The following DNAJC1 variants were observed in gnomAD, a reference collection of about 807,000 sequenced individuals.
DNAJC1 encodes the protein DnaJ heat shock protein family (Hsp40) member C1.
A neutral mutation model predicts 76.6 loss-of-function variants in DNAJC1; 58 were observed. The observed-to-expected ratio is 0.76, with a 90% CI of 0.61 to 0.94. The LOEUF (loss-of-function observed/expected upper bound fraction) is 0.94. Among genes scored for constraint, DNAJC1 ranks in the 40% least tolerant of loss-of-function variants. The probability of loss-of-function intolerance (pLI) is 0.00; values close to 1 mark genes in which losing one functional copy is unlikely to be tolerated. For missense variants in DNAJC1, 689 were observed against 677.3 expected, an observed-to-expected ratio of 1.02 and a Z score of -0.19; for synonymous variants, 258 against 267.9, an observed-to-expected ratio of 0.96 and a Z score of 0.36.
At chr10:21,946,823 T>G (rs1837513395) in intron 1 of DNAJC1, among the ~76,000 whole-genome samples, 1 of 152,208 alleles carries the variant, frequency 6.6e-6, no homozygotes, top group African/African-American at 2.4e-5. Context: ...GGTTTGAATG[T>G]GTCCCCCTGA....
At chr10:21,852,733 T>C (rs1256166253) in intron 8 of DNAJC1, among the ~76,000 whole-genome samples, 1 of 152,072 alleles carries the variant, frequency 6.6e-6, no homozygotes, top group Non-Finnish European at 1.5e-5. Context: ...TAAATATTTA[T>C]TGATTGAACT....
chr10:22,002,909 A>C (rs940954719), intron 1 of DNAJC1, among the ~76,000 whole-genome samples: 3 of 151,710 alleles, frequency 2.0e-5, no homozygotes, highest in African/African-American at 7.3e-5. Flanking sequence ...CCTCCAGCAC[A>C]GCTGGAGGGG....
intron 9 of DNAJC1, among the ~76,000 whole-genome samples, chr10:21,790,010 T>G (rs1589981319): frequency 2.4e-5 from 1 of 41,064 alleles, no homozygotes; most frequent in African/African-American, 1.2e-4. Flanking sequence ...GCTCTGTCTT[T>G]AAAAAAAAAA....
chr10:21,994,563 T>A (rs981415990), intron 1 of DNAJC1, among the ~76,000 whole-genome samples: 1 of 151,884 alleles, frequency 6.6e-6, no homozygotes, highest in African/African-American at 2.4e-5. Context: ...CCGAGACAGG[T>A]GGATCACGAG....
At chr10:21,930,010 C>T (rs1455690782) in intron 1 of DNAJC1, among the ~76,000 whole-genome samples, 2 of 152,174 alleles carry the variant, frequency 1.3e-5, no homozygotes, top group East Asian at 3.9e-4. Context: ...CAGTCTGATT[C>T]TACCACCCAG....
At chr10:21,938,704 T>A (rs1837355430) in intron 1 of DNAJC1, among the ~76,000 whole-genome samples, 1 of 152,228 alleles carries the variant, frequency 6.6e-6, no homozygotes, top group African/African-American at 2.4e-5. Context: ...ACCCTGATTT[T>A]AATCAATGGA....
intron 3 of DNAJC1, among the ~76,000 whole-genome samples, chr10:21,927,679 T>C (rs72797470): frequency 0.038 from 5,814 of 152,210 alleles, 175 homozygotes; most frequent in African/African-American, 0.078. Context: ...ATAAGAAATA[T>C]CTTGTGAAAC....
intron 8 of DNAJC1, among the ~76,000 whole-genome samples, chr10:21,868,128 C>CTTTT (rs200727543): frequency 2.4e-5 from 3 of 123,470 alleles, no homozygotes; most frequent in Non-Finnish European, 3.2e-5. Context: ...TGAAAATATT[C>CTTTT]TTTTTTTTTT....
chr10:21,841,760 C>T (rs1835578258), intron 8 of DNAJC1, among the ~76,000 whole-genome samples: 2 of 152,094 alleles, frequency 1.3e-5, no homozygotes, highest in African/African-American at 2.4e-5. Flanking sequence ...TGGGTATATA[C>T]CCAAAGGATT....
chr10:21,813,654 C>T (rs1363762867), intron 8 of DNAJC1, among the ~76,000 whole-genome samples: 3 of 152,186 alleles, frequency 2.0e-5, no homozygotes, highest in Non-Finnish European at 4.4e-5. Context: ...TCCCAAAGTG[C>T]TGGGATTACA....
chr10:21,786,622 G>A (rs936291615), intron 9 of DNAJC1, among the ~76,000 whole-genome samples: 24 of 151,834 alleles, frequency 1.6e-4, no homozygotes, highest in African/African-American at 5.1e-4. Context: ...CGTAGCAGGC[G>A]TGCGCCACCA....
At chr10:21,801,556 A>G (rs755009550) in intron 9 of DNAJC1, among the ~76,000 whole-genome samples, 5 of 152,200 alleles carry the variant, frequency 3.3e-5, no homozygotes, top group Non-Finnish European at 1.5e-5. Context: ...TAGTTCAACC[A>G]TTGTGGAAAG....
At chr10:21,775,626 A>G (rs566264263) in intron 9 of DNAJC1, among the ~76,000 whole-genome samples, 1 of 152,234 alleles carries the variant, frequency 6.6e-6, no homozygotes, top group African/African-American at 2.4e-5. Flanking sequence ...TTTAGATCTG[A>G]ATGACTTTCA....
intron 1 of DNAJC1, among the ~76,000 whole-genome samples, chr10:21,991,664 TAC>T (rs1256778415): frequency 2.0e-5 from 3 of 152,246 alleles, no homozygotes; most frequent in Non-Finnish European, 4.4e-5. Context: ...TAGCTATATC[TAC>T]ACAATACAGA....
At chr10:21,946,188 G>A (rs529586483) in intron 1 of DNAJC1, among the ~76,000 whole-genome samples, 42 of 150,694 alleles carry the variant, frequency 2.8e-4, no homozygotes, top group Admixed American at 2.5e-3. Context: ...CTACAGGTGT[G>A]TGCCACCACG....
At chr10:21,823,268 A>G (rs1835189451) in intron 8 of DNAJC1, among the ~76,000 whole-genome samples, 1 of 152,142 alleles carries the variant, frequency 6.6e-6, no homozygotes, top group African/African-American at 2.4e-5. Flanking sequence ...AAATAACCAG[A>G]TCTCCTTATG....
intron 2 of DNAJC1, 69 bp from the exon 3 acceptor site, chr10:21,928,621 G>A (rs1690582176): frequency 2.8e-5 from 35 of 1,267,386 alleles, no homozygotes; most frequent in Non-Finnish European, 3.8e-5. Flanking sequence ...GAGGGTGAAG[G>A]CACTACAATA....
chr10:21,939,988 T>A (rs1352151498), intron 1 of DNAJC1, among the ~76,000 whole-genome samples: 1 of 147,538 alleles, frequency 6.8e-6, no homozygotes, highest in Non-Finnish European at 1.5e-5. Context: ...AAAACAAACG[T>A]GTGTGTATAC....
chr10:21,876,780 T>C (rs1836195285), intron 8 of DNAJC1, among the ~76,000 whole-genome samples: 1 of 152,188 alleles, frequency 6.6e-6, no homozygotes, highest in Non-Finnish European at 1.5e-5. Context: ...AACTGACCTT[T>C]GTAGAGCTGT....
Sources: gnomAD v4.1 joint callset for allele counts (sites outside exome capture counted in the v4.1 genomes callset) on GRCh38, gnomAD v4.1.1 for gene constraint, MANE v1.5 for transcripts, NCBI Gene and HGNC (gene_info 2026-07-23, HGNC 2026-07-21) for gene names.